Variants in PSD3 observed in about 807,000 individuals in gnomAD.
PSD3 encodes the protein pleckstrin and Sec7 domain containing 3.
In PSD3, 49 loss-of-function variants were observed where a neutral mutation model predicts 105.5. The ratio of observed to expected loss-of-function variants is 0.46; its 90% CI spans 0.37 to 0.59. The LOEUF (loss-of-function observed/expected upper bound fraction) is 0.59, where lower values mean the gene tolerates loss of function less well. PSD3 is among the 20% of genes least tolerant of loss of function. The probability of loss-of-function intolerance (pLI) is 0.00; values close to 1 mark genes in which losing one functional copy is unlikely to be tolerated. For synonymous variants in PSD3, 557 were observed against 457.8 expected, an observed-to-expected ratio of 1.22 and a Z score of -2.77; for missense variants, 1,561 against 1,263.8, an observed-to-expected ratio of 1.24 and a Z score of -3.57.
intron 11 of PSD3, among the ~76,000 whole-genome samples, chr8:18,604,850 C>T (rs147542959): frequency 9.7e-4 from 148 of 152,352 alleles, no homozygotes; most frequent in African/African-American, 3.4e-3. Flanking sequence ...ATGTTGGCCA[C>T]AAACTTTAGT....
intron 2 of PSD3, among the ~76,000 whole-genome samples, chr8:18,923,827 T>C (rs1048808296): frequency 5.3e-5 from 8 of 150,676 alleles, no homozygotes; most frequent in Non-Finnish European, 1.0e-4. Flanking sequence ...CAAAGCTGAT[T>C]TGATCCTACT....
rs36172948 is a variant in PSD3 at position 18,598,566 on chromosome 8, G to A, written c.2481+1798C>T. Among the ~76,000 whole-genome samples the A allele has an allele frequency of 3.8e-3, 584 of 152,198 alleles. 5 individuals are homozygous for A. The highest frequency in any genetic ancestry group is 0.013 in the African/African-American group (554 of 41,542). ...ATAAAAATTACACAAACATCTCAAT[G>A]ATGCAGGAAAGCGATGATATTAATA... On this transcript the variant is annotated intron_variant, in intron 12 of 15. Transcript: ENST00000327040.
intron 8 of PSD3, among the ~76,000 whole-genome samples, chr8:18,788,067 C>G (rs1232272580): frequency 6.6e-6 from 1 of 152,176 alleles, no homozygotes; most frequent in Non-Finnish European, 1.5e-5. Context: ...TTTACAGAAA[C>G]AAGCCCCAGA....
At chr8:18,708,132 C>G (rs528391888) in intron 9 of PSD3, among the ~76,000 whole-genome samples, 17 of 152,208 alleles carry the variant, frequency 1.1e-4, no homozygotes, top group Admixed American at 2.0e-4. Context: ...ACAGAGGAAT[C>G]CTGACTAATT....
rs183607316 is a variant in PSD3 at position 18,871,038 on chromosome 8, G to A, written c.1238+588C>T. Among the ~76,000 whole-genome samples the A allele has an allele frequency of 8.1e-3, 1,235 of 152,256 alleles. 9 individuals are homozygous for A. The highest frequency in any genetic ancestry group is 0.02 in the Middle Eastern group (6 of 294). On this transcript the variant is annotated intron_variant, in intron 3 of 15. Transcript: ENST00000327040. ...CTCTTGAGCCTGGAAGGTCAAGGCC[G>A]CAGTGAGCCGTGATCACACCACCAT...
At position 18,531,646 on chromosome 8, in the gene PSD3, C is replaced by A. The variant is rs1799637562; in HGVS notation, c.*4097G>T. On this transcript the variant is annotated 3_prime_UTR_variant, in exon 16 of 16. Coordinates refer to ENST00000327040, the MANE Select transcript of PSD3 (RefSeq NM_015310.4). The stretch of plus-strand genomic sequence containing the variant: ...CAAGGTAGGAGGCCCAGAGGCGCAT[C>A]TGCCTGCAAAGCTGACTTACCATTT... 1 of 152,266 alleles carries A rather than the reference C, an allele frequency of 6.6e-6. No homozygotes were observed. The highest frequency in any genetic ancestry group is 2.4e-5 in the African/African-American group (1 of 41,472). The allele number at this position is 152,266 out of a possible 1,614,324, so 9.4% of individuals were successfully genotyped here. A position where few individuals can be genotyped will look rare whatever the true frequency, so the allele number is the denominator to read the frequency against.
chr8:18,664,651 C>A (rs11203978), intron 9 of PSD3, among the ~76,000 whole-genome samples: 1 of 152,198 alleles, frequency 6.6e-6, no homozygotes, highest in Non-Finnish European at 1.5e-5. Flanking sequence ...TACTAAACAA[C>A]AGATTTTCAG....
chr8:18,671,922 C>T (rs779169926), intron 9 of PSD3, among the ~76,000 whole-genome samples: 16 of 152,150 alleles, frequency 1.1e-4, no homozygotes, highest in South Asian at 2.1e-4. Context: ...TGAGCCACTG[C>T]GCCGGGCCTG....
intron 9 of PSD3, among the ~76,000 whole-genome samples, chr8:18,709,026 A>G (rs980378419): frequency 6.6e-6 from 1 of 152,178 alleles, no homozygotes; most frequent in Non-Finnish European, 1.5e-5. Context: ...CTTGGGTCCC[A>G]TGCACAGAGC....
rs771491988 is a variant in PSD3, at chr8:18,936,062, G to T, written c.102C>A (p.Gly34=). The part of the protein sequence containing the change: ...VAKAKYEFLF[G]RSEGKAPDTS... ...TATCTGGAGCTTTCCCTTCAGATCT[G>T]CCAAATAAAAATTCATATTTGGCCT... Residue 34 remains glycine (G), a synonymous_variant, in exon 2 of 16, where the codon GGC becomes GGA. Coordinates refer to ENST00000327040, the MANE Select transcript of PSD3 (RefSeq NM_015310.4). 1.2e-6 allele frequency: 2 copies of T among 1,612,658 alleles called. No homozygotes were observed. The highest frequency in any genetic ancestry group is 8.5e-7 in the Non-Finnish European group (1 of 1,179,180).
At chr8:18,571,354 G>C (rs1021580764) in intron 14 of PSD3, among the ~76,000 whole-genome samples, 1 of 128,410 alleles carries the variant, frequency 7.8e-6, no homozygotes, top group Non-Finnish European at 1.7e-5. Context: ...TCTTCTCTAG[G>C]CCTTCGTTCC....
At chr8:18,720,277 T>C (rs561796712) in intron 9 of PSD3, among the ~76,000 whole-genome samples, 11 of 152,190 alleles carry the variant, frequency 7.2e-5, no homozygotes, top group Non-Finnish European at 1.6e-4. Flanking sequence ...CACATTCCAA[T>C]CATTCCTGGC....
intron 9 of PSD3, among the ~76,000 whole-genome samples, chr8:18,708,555 C>A (rs1397409584): frequency 6.6e-6 from 1 of 152,122 alleles, no homozygotes; most frequent in African/African-American, 2.4e-5. Flanking sequence ...CCGTGTTTTT[C>A]CAAAAGTTTT....
At chr8:18,752,516 TGTAATATATATAATTATATATTA>T (rs1563225037) in intron 9 of PSD3, among the ~76,000 whole-genome samples, 1 of 83,268 alleles carries the variant, frequency 1.2e-5, no homozygotes, top group African/African-American at 8.2e-5. Context: ...ATATAATATA[TGTAATATATATAATTATATATTA>T]TATATATTAT....
intron 9 of PSD3, among the ~76,000 whole-genome samples, chr8:18,737,324 T>C (rs1804226202): frequency 6.6e-6 from 1 of 152,144 alleles, no homozygotes; most frequent in Non-Finnish European, 1.5e-5. Context: ...GCTATTTGTT[T>C]ATTTGTGTGT....
intron 14 of PSD3, among the ~76,000 whole-genome samples, chr8:18,562,918 A>G (rs1448675527): frequency 0.033 from 641 of 19,304 alleles, 3 homozygotes; most frequent in Non-Finnish European, 0.08. Flanking sequence ...AAAAAGAAAA[A>G]GAAAAAGAAA....
intron 12 of PSD3, among the ~76,000 whole-genome samples, chr8:18,578,451 G>T (rs12544641): frequency 0.28 from 42,147 of 151,990 alleles, 6,882 homozygotes; most frequent in East Asian, 0.45. Context: ...ATACCCTCCT[G>T]GTTTCTCTCC....
chr8:18,641,656 T>C (rs1196520892), intron 10 of PSD3, among the ~76,000 whole-genome samples: 1 of 152,188 alleles, frequency 6.6e-6, no homozygotes, highest in Non-Finnish European at 1.5e-5. Flanking sequence ...TACACTTAAG[T>C]GGGTGAATTT....
chr8:18,744,568 C>G (rs73199949), intron 9 of PSD3, among the ~76,000 whole-genome samples: 6 of 152,080 alleles, frequency 3.9e-5, no homozygotes, highest in African/African-American at 9.7e-5. Flanking sequence ...TACCTTTGTA[C>G]GTTTAACTAC....
Sources: gnomAD v4.1 joint callset for allele counts (sites outside exome capture counted in the v4.1 genomes callset) on GRCh38, gnomAD v4.1.1 for gene constraint, MANE v1.5 for transcripts, NCBI Gene and HGNC (gene_info 2026-07-23, HGNC 2026-07-21) for gene names.